NLRP14: variants seen among roughly 807,000 people sequenced by gnomAD.
NLRP14 encodes the protein NACHT, LRR and PYD domains-containing protein 14.
In NLRP14, 105 loss-of-function variants were observed where a neutral mutation model predicts 94.7. That is an observed-to-expected ratio of 1.11 (90% confidence interval 0.95 to 1.30). The LOEUF (loss-of-function observed/expected upper bound fraction) is 1.30, where lower values mean the gene tolerates loss of function less well. Ranked by LOEUF, NLRP14 falls within the 50% of genes most tolerant of loss-of-function variation. NLRP14 has a pLI of 0.00. For synonymous variants in NLRP14, 508 were observed against 459.9 expected (o/e 1.10, Z -1.34); for missense variants, 1,362 against 1,254.1 (o/e 1.09, Z -1.30).
At chr11:7,049,211 G>T (rs1232688891) in intron 5 of NLRP14, among the ~76,000 whole-genome samples, 1 of 152,176 alleles carries the variant, frequency 6.6e-6, no homozygotes. Flanking sequence ...TGCTTGGGCT[G>T]CCTCCGTACA....
At chr11:7,073,074 G>T (rs1339618280), downstream of NLRP14, among the ~76,000 whole-genome samples, 2 of 152,100 alleles carry the variant, frequency 1.3e-5, no homozygotes, top group Non-Finnish European at 2.9e-5. Flanking sequence ...TGTAGTCTTA[G>T]GGCCTCTCCA....
chr11:7,077,698 A>G, the NLRP14 span, among the ~76,000 whole-genome samples: 1 of 152,210 alleles, frequency 6.6e-6, no homozygotes, highest in Non-Finnish European at 1.5e-5. Flanking sequence ...TATAGAAAAG[A>G]AAAGAGAGTT....
intron 4 of NLRP14, among the ~76,000 whole-genome samples, chr11:7,044,245 C>A (rs748816618): frequency 3.9e-5 from 6 of 152,150 alleles, no homozygotes; most frequent in Non-Finnish European, 7.4e-5. Context: ...TGAGGACTCT[C>A]AATTGTTGAC....
At chr11:7,075,533 C>T (rs77090455), downstream of NLRP14, among the ~76,000 whole-genome samples, 5,715 of 152,168 alleles carry the variant, frequency 0.038, 280 homozygotes, top group African/African-American at 0.11. Flanking sequence ...GATAGCAATA[C>T]GCTTAGAAGC....
At chr11:7,069,220 G>A (rs1269699769) in intron 10 of NLRP14, among the ~76,000 whole-genome samples, 2 of 152,092 alleles carry the variant, frequency 1.3e-5, no homozygotes, top group Non-Finnish European at 2.9e-5. Flanking sequence ...GGAAGATTTT[G>A]TGTGATATTT....
chr11:7,085,619 CGGGGAATT>C, the NLRP14 span, among the ~76,000 whole-genome samples: 3 of 152,162 alleles, frequency 2.0e-5, no homozygotes, highest in South Asian at 6.2e-4. Flanking sequence ...TCAGTATTTA[CGGGGAATT>C]GGTTCCAGGA....
chr11:7,038,855 G>A lies in NLRP14; in HGVS notation c.269G>A (p.Arg90Lys), dbSNP rs967887937. ...ATGAACCTGAAGGATCTGTGTGAGA[G>A]AGCGAAAGAAGAGATCAACTGTGAG... ...GKMNLKDLCE[R>K]AKEEINWSAQ... Residue 90 changes from arginine (R) to lysine (K), a missense_variant, in exon 2 of 12, where the codon AGA becomes AAA. By Grantham distance (26) the Arg-to-Lys change is conservative. Transcript: ENST00000299481. 6.2e-7 allele frequency: 1 copy of A among 1,613,440 alleles called. No homozygotes were observed. Among genetic ancestry groups the A allele is most frequent in the African/African-American group, 1.3e-5 (1 of 74,902 alleles).
At position 7,042,672 on chromosome 11, in the gene NLRP14, C is replaced by A; in HGVS notation, c.646C>A (p.Leu216Ile). 1 of 1,614,188 alleles carries A rather than the reference C, an allele frequency of 6.2e-7. No homozygotes were observed. The highest frequency in any genetic ancestry group is 8.5e-7 in the Non-Finnish European group (1 of 1,180,026). ...GCAGAGGTTTAAGTATGTTTTTTAT[C>A]TCAATGGGAGAGAAATTAACCAGCT... ...YQQRFKYVFY[L>I]NGREINQLKE... The change falls in exon 4 of 12, where the codon CTC (leucine) becomes ATC (isoleucine). Residue 216 changes from leucine (L) to isoleucine (I), a missense_variant. Leu to Ile is a conservative substitution (Grantham distance 5, BLOSUM62 2). Coordinates refer to ENST00000299481, the MANE Select transcript of NLRP14 (RefSeq NM_176822.4).
chr11:7,082,943 A>C, the NLRP14 span, among the ~76,000 whole-genome samples: 9 of 152,204 alleles, frequency 5.9e-5, no homozygotes, highest in Non-Finnish European at 1.3e-4. Flanking sequence ...TCTGACATAA[A>C]GTTTAGAATA....
chr11:7,026,813 G>A (rs1025415866), intron 1 of NLRP14, among the ~76,000 whole-genome samples: 1 of 140,346 alleles, frequency 7.1e-6, no homozygotes, highest in Non-Finnish European at 1.5e-5. Context: ...ACACCATGGG[G>A]GGTAGGGGGA....
intron 1 of NLRP14, among the ~76,000 whole-genome samples, chr11:7,035,390 A>C (rs12804040): frequency 0.15 from 23,085 of 152,126 alleles, 2,153 homozygotes; most frequent in Non-Finnish European, 0.21. Flanking sequence ...AACTGGGGGG[A>C]AATTTGCTGC....
rs1310220476 is a variant in NLRP14 at position 7,042,759 on chromosome 11, G to A, written c.733G>A (p.Glu245Lys). ...KDWPSTEGPI[E>K]EIMYQPSSLL... ...CTGGCCCAGCACAGAAGGCCCCATT[G>A]AAGAAATCATGTACCAGCCAAGTAG... is the stretch of plus-strand genomic sequence containing the variant. Residue 245 changes from glutamate to lysine, a missense_variant, in exon 4 of 12, where the codon GAA (glutamate) becomes AAA (lysine). Transcript: ENST00000299481. The A allele has an allele frequency of 1.2e-6, 2 of 1,614,110 alleles. No individual in the cohort carries two copies. The highest frequency in any genetic ancestry group is 1.7e-6 in the Non-Finnish European group (2 of 1,180,046).
intron 1 of NLRP14, among the ~76,000 whole-genome samples, chr11:7,037,066 C>T (rs1397399454): frequency 6.6e-6 from 1 of 152,148 alleles, no homozygotes; most frequent in African/African-American, 2.4e-5. Flanking sequence ...TGTAGGGATA[C>T]CTGCAGATTT....
At chr11:7,057,250 A>G (rs1465629531) in intron 6 of NLRP14, among the ~76,000 whole-genome samples, 1 of 152,014 alleles carries the variant, frequency 6.6e-6, no homozygotes, top group African/African-American at 2.4e-5. Flanking sequence ...ACACGGGCTC[A>G]TGAATAAATG....
chr11:7,026,757 A>G (rs1852020644), intron 1 of NLRP14, among the ~76,000 whole-genome samples: 2 of 148,938 alleles, frequency 1.3e-5, no homozygotes, highest in Non-Finnish European at 3.0e-5. Flanking sequence ...GAACCAACCC[A>G]AATGTCCAAC....
At chr11:7,074,270 C>G (rs1034386031), downstream of NLRP14, among the ~76,000 whole-genome samples, 2 of 152,170 alleles carry the variant, frequency 1.3e-5, no homozygotes, top group East Asian at 1.9e-4. Flanking sequence ...GATATCCACA[C>G]AAAACAGTAA....
chr11:7,038,746 A>T lies in NLRP14; in HGVS notation c.160A>T (p.Arg54Trp). ...LTPWNEVKKA[R>W]REDLANLMKK... ...ACCCTGGAATGAAGTGAAGAAGGCC[A>T]GGCGGGAGGACCTGGCCAATTTGAT... The change falls in exon 2 of 12, where the codon AGG becomes TGG. Residue 54 changes from arginine (R) to tryptophan (W), a missense_variant. Arg to Trp is a moderately radical substitution (Grantham distance 101). Transcript: ENST00000299481. 1 of 1,614,132 alleles carries T rather than the reference A, an allele frequency of 6.2e-7. No individual in the cohort carries two copies. The highest frequency in any genetic ancestry group is 8.5e-7 in the Non-Finnish European group (1 of 1,180,004).
chr11:7,057,654 T>G (rs1290633062), intron 6 of NLRP14, 23 bp from the exon 7 acceptor site: 1 of 1,609,080 alleles, frequency 6.2e-7, no homozygotes, highest in Non-Finnish European at 8.5e-7. Flanking sequence ...TGGTCATTCC[T>G]GCTTTTCTGT....
intron 5 of NLRP14, 106 bp from the exon 6 acceptor site, chr11:7,049,565 A>G: frequency 1.2e-6 from 1 of 833,990 alleles, no homozygotes; most frequent in Admixed American, 2.0e-5. Flanking sequence ...AAATAAGATA[A>G]AAGAATATTC....
Sources: gnomAD v4.1 joint callset for allele counts (sites outside exome capture counted in the v4.1 genomes callset) on GRCh38, gnomAD v4.1.1 for gene constraint, MANE v1.5 for transcripts, NCBI Gene and HGNC (gene_info 2026-07-23, HGNC 2026-07-21) for gene names.